Variants in PCDH7 observed in about 807,000 individuals in gnomAD.
PCDH7 encodes the protein protocadherin 7.
A neutral mutation model predicts 58.9 loss-of-function variants in PCDH7; 17 were observed. The ratio of observed to expected loss-of-function variants is 0.29; its 90% CI spans 0.20 to 0.43. PCDH7 has a LOEUF of 0.43. Among genes scored for constraint, PCDH7 ranks in the 20% least tolerant of loss-of-function variants. The pLI is 1.00. For missense variants in PCDH7, 1,274 were observed against 1,441.0 expected, an observed-to-expected ratio of 0.88 and a Z score of 1.88; for synonymous variants, 664 against 616.4, an observed-to-expected ratio of 1.08 and a Z score of -1.14.
intron 3 of PCDH7, among the ~76,000 whole-genome samples, chr4:31,020,642 G>T (rs542398364): frequency 1.3e-5 from 2 of 152,260 alleles, no homozygotes; most frequent in Non-Finnish European, 2.9e-5. Context: ...TGTGCAGAAG[G>T]GTGTGGATTC....
At chr4:31,102,394 C>T (rs951723011) in intron 3 of PCDH7, among the ~76,000 whole-genome samples, 3 of 151,852 alleles carry the variant, frequency 2.0e-5, no homozygotes, top group African/African-American at 4.8e-5. Flanking sequence ...GTAGATTTAA[C>T]GTGAAAATGA....
chr4:31,126,323 T>G (rs900798755), intron 3 of PCDH7, among the ~76,000 whole-genome samples: 1 of 151,864 alleles, frequency 6.6e-6, no homozygotes, highest in African/African-American at 2.4e-5. Flanking sequence ...ACCCAGCTAT[T>G]TTTTTATTTT....
intron 1 of PCDH7, among the ~76,000 whole-genome samples, chr4:30,778,375 A>T (rs1167286945): frequency 1.3e-5 from 2 of 152,118 alleles, no homozygotes; most frequent in African/African-American, 4.8e-5. Context: ...AAGACTTATG[A>T]TCTATTTTGA....
At chr4:30,979,412 C>T (rs992870618) in intron 3 of PCDH7, among the ~76,000 whole-genome samples, 7 of 151,732 alleles carry the variant, frequency 4.6e-5, no homozygotes, top group Non-Finnish European at 8.8e-5. Flanking sequence ...TTATTTAATC[C>T]TTTTGCCAAA....
At chr4:30,934,623 A>T (rs1436257118) in intron 2 of PCDH7, among the ~76,000 whole-genome samples, 3 of 151,972 alleles carry the variant, frequency 2.0e-5, no homozygotes, top group African/African-American at 7.2e-5. Flanking sequence ...TCTTTATAAT[A>T]CCTTATCTAT....
intron 3 of PCDH7, among the ~76,000 whole-genome samples, chr4:30,960,154 G>C (rs1748273827): frequency 1.6e-5 from 2 of 127,082 alleles, no homozygotes; most frequent in South Asian, 6.1e-4. Context: ...AGGAAGGAAG[G>C]GAGGGAGGGA....
At chr4:30,976,223 G>A (rs1002457615) in intron 3 of PCDH7, among the ~76,000 whole-genome samples, 1 of 151,590 alleles carries the variant, frequency 6.6e-6, no homozygotes, top group African/African-American at 2.4e-5. Context: ...GCGTGATCTC[G>A]GCTCACCACT....
At chr4:31,130,250 A>T (rs1218296135) in intron 3 of PCDH7, among the ~76,000 whole-genome samples, 1 of 152,048 alleles carries the variant, frequency 6.6e-6, no homozygotes, top group Non-Finnish European at 1.5e-5. Context: ...CAGAAAGGTG[A>T]GCTGTTTGTA....
At chr4:30,751,150 CA>C (rs927179898) in intron 1 of PCDH7, among the ~76,000 whole-genome samples, 1 of 152,178 alleles carries the variant, frequency 6.6e-6, no homozygotes, top group Non-Finnish European at 1.5e-5. Context: ...TGTACCTGTG[CA>C]AACTCATTTA....
intron 3 of PCDH7, among the ~76,000 whole-genome samples, chr4:30,976,862 G>C (rs762885043): frequency 1.3e-5 from 2 of 152,040 alleles, no homozygotes; most frequent in African/African-American, 2.4e-5. Context: ...GATTTTTCAG[G>C]TTAATAAGTA....
intron 1 of PCDH7, among the ~76,000 whole-genome samples, chr4:30,865,366 A>T (rs992077174): frequency 6.6e-6 from 1 of 152,120 alleles, no homozygotes. Context: ...AATAAGTATT[A>T]GAACATCTCA....
At chr4:31,045,282 A>G (rs1756186669) in intron 3 of PCDH7, among the ~76,000 whole-genome samples, 4 of 151,194 alleles carry the variant, frequency 2.6e-5, no homozygotes, top group Admixed American at 2.0e-4. Flanking sequence ...TTCTTTTTGC[A>G]CTTTTTTTCC....
intron 1 of PCDH7, among the ~76,000 whole-genome samples, chr4:30,786,484 T>G (rs1223395904): frequency 1.3e-5 from 2 of 152,074 alleles, no homozygotes; most frequent in Non-Finnish European, 2.9e-5. Context: ...AAACATCTCT[T>G]GTCAGAGATA....
intron 1 of PCDH7, among the ~76,000 whole-genome samples, chr4:30,894,510 TATATATAC>T (rs1349721541): frequency 3.8e-4 from 19 of 49,452 alleles, no homozygotes; most frequent in African/African-American, 1.5e-3. Context: ...TATATATATA[TATATATAC>T]ACACACACAC....
At chr4:30,992,441 G>A (rs1411858882) in intron 3 of PCDH7, among the ~76,000 whole-genome samples, 1 of 152,138 alleles carries the variant, frequency 6.6e-6, no homozygotes, top group Non-Finnish European at 1.5e-5. Flanking sequence ...GGAAATGGTA[G>A]TATTTTCAAG....
chr4:30,943,272 T>C (rs1323086619), intron 2 of PCDH7, among the ~76,000 whole-genome samples: 1 of 152,046 alleles, frequency 6.6e-6, no homozygotes, highest in African/African-American at 2.4e-5. Flanking sequence ...GATAACCAAT[T>C]CACTCTCTTT....
At chr4:30,821,795 AAAC>A (rs1166997348) in intron 1 of PCDH7, among the ~76,000 whole-genome samples, 1 of 152,160 alleles carries the variant, frequency 6.6e-6, no homozygotes, top group Non-Finnish European at 1.5e-5. Flanking sequence ...CTTTTTATTT[AAAC>A]TCAAACCCAT....
At chr4:30,777,426 T>C (rs751558815) in intron 1 of PCDH7, among the ~76,000 whole-genome samples, 7 of 152,214 alleles carry the variant, frequency 4.6e-5, no homozygotes, top group South Asian at 2.1e-4. Flanking sequence ...AAGGTAGTAG[T>C]AAATGAGTGG....
intron 2 of PCDH7, among the ~76,000 whole-genome samples, chr4:30,928,049 C>A (rs1744113710): frequency 6.6e-6 from 1 of 152,108 alleles, no homozygotes; most frequent in South Asian, 2.1e-4. Flanking sequence ...ATTCTTGGCT[C>A]ACTACAGCCT....
Sources: allele counts gnomAD v4.1 joint callset (sites outside exome capture counted in the v4.1 genomes callset), GRCh38; gene constraint gnomAD v4.1.1; transcripts MANE v1.5; gene names NCBI Gene and HGNC (gene_info 2026-07-23, HGNC 2026-07-21).